Variants in PCDH15 observed in about 807,000 individuals in gnomAD.
PCDH15 encodes protocadherin-15.
PCDH15 carries 129 observed loss-of-function variants against 178.5 expected under a neutral mutation model. That is an observed-to-expected ratio of 0.72 (90% CI 0.63 to 0.84). The LOEUF (loss-of-function observed/expected upper bound fraction) is 0.84, where lower values mean the gene tolerates loss of function less well. Among genes scored for constraint, PCDH15 ranks in the 40% least tolerant of loss-of-function variants. The pLI is 0.00. For synonymous variants in PCDH15, 800 were observed against 732.0 expected, an observed-to-expected ratio of 1.09 and a Z score of -1.50; for missense variants, 2,230 against 2,099.9, an observed-to-expected ratio of 1.06 and a Z score of -1.21.
At chr10:54,482,468 A>T (rs2078788082) in intron 3 of PCDH15, among the ~76,000 whole-genome samples, 1 of 151,818 alleles carries the variant, frequency 6.6e-6, no homozygotes. Context: ...ATACTTTATT[A>T]TGAGTAGGTA....
At chr10:53,939,033 T>A in intron 24 of PCDH15, 78 bp from the exon 25 acceptor site, 1 of 1,439,616 alleles carries the variant, frequency 6.9e-7, no homozygotes, top group African/African-American at 1.4e-5. Flanking sequence ...GGCACTGTGA[T>A]TTCAAAAACA....
intron 2 of PCDH15, among the ~76,000 whole-genome samples, chr10:55,395,196 TGAGA>T (rs55765914): frequency 0.04 from 5,104 of 126,456 alleles, 111 homozygotes; most frequent in African/African-American, 0.073. Context: ...TGTGTGTGTG[TGAGA>T]GAGAGAGAGA....
intron 8 of PCDH15, among the ~76,000 whole-genome samples, chr10:54,299,313 G>T (rs919029789): frequency 6.6e-6 from 1 of 151,938 alleles, no homozygotes; most frequent in Admixed American, 6.6e-5. Flanking sequence ...GACAAAGAGG[G>T]AGTCAGAAAG....
In PCDH15 at chr10:54,440,769, A is replaced by C. The variant is rs147490502; in HGVS notation, c.158-61827T>G. Among the ~76,000 whole-genome samples the C allele has an allele frequency of 7.9e-5, 12 of 152,040 alleles. No individual in the cohort carries two copies. In the East Asian group the frequency reaches 1.7e-3, roughly 22 times the overall value. ...ACAAATATTACACTTTGTAAAATTA[A>C]AGGCCTAGTCTAATATTACTCTATG... On this transcript the variant is annotated intron_variant, in intron 3 of 37. Coordinates refer to ENST00000644397, the MANE Select transcript of PCDH15 (RefSeq NM_001384140.1).
At chr10:54,840,289 T>C (rs1258258030) in intron 3 of PCDH15, among the ~76,000 whole-genome samples, 2 of 151,880 alleles carry the variant, frequency 1.3e-5, no homozygotes, top group Non-Finnish European at 2.9e-5. Context: ...AGAGGTAAAG[T>C]GTAACATTGA....
chr10:54,756,051 C>A (rs1002358442), intron 1 of PCDH15, among the ~76,000 whole-genome samples: 1 of 62,902 alleles, frequency 1.6e-5, no homozygotes, highest in Admixed American at 2.3e-4. Context: ...CCCGTCTCTA[C>A]TAAAAACACA....
In PCDH15 at chr10:55,442,470, T is replaced by TATATTATATATATATAATATATA. The variant is rs5785132; in HGVS notation, c.-156+185154_-156+185155insTATATATTATATATATATAATAT. ...CTTAATTTGATTATATATATATATA[T>TATATTATATATATATAATATATA]TATATATATATTATATATATATATA... On this transcript the variant is annotated intron_variant, in intron 2 of 5. Transcript: ENST00000613346. Among the ~76,000 whole-genome samples, 53 of 124,680 alleles carry TATATTATATATATATAATATATA rather than the reference T, an allele frequency of 4.3e-4. 1 individual carries two copies. In the East Asian group the frequency reaches 5.9e-3, roughly 14 times the overall value. 81.8% of individuals were successfully genotyped at this position (124,680 alleles called of 152,430 possible).
chr10:54,965,608 C>CAT (rs71461263), intron 2 of PCDH15, among the ~76,000 whole-genome samples: 3,947 of 141,232 alleles, frequency 0.028, 55 homozygotes, highest in Non-Finnish European at 0.036. Flanking sequence ...AACTTTGCTT[C>CAT]ATATATATAT....
chr10:55,068,312 T>C (rs975995931), intron 2 of PCDH15, among the ~76,000 whole-genome samples: 2 of 152,118 alleles, frequency 1.3e-5, no homozygotes, highest in South Asian at 4.1e-4. Context: ...TTTATTCTTC[T>C]GCATGTAGTT....
chr10:55,556,946 T>C (rs1469791081), intron 2 of PCDH15, among the ~76,000 whole-genome samples: 1 of 152,216 alleles, frequency 6.6e-6, no homozygotes, highest in African/African-American at 2.4e-5. Flanking sequence ...TTATTGAATG[T>C]GTTTTCACAT....
chr10:54,091,734 T>C (rs1179450971), intron 15 of PCDH15, among the ~76,000 whole-genome samples: 1 of 152,226 alleles, frequency 6.6e-6, no homozygotes, highest in African/African-American at 2.4e-5. Flanking sequence ...TGACATCATA[T>C]TGTCCTGCTT....
At chr10:54,553,939 C>G (rs555993523) in intron 2 of PCDH15, among the ~76,000 whole-genome samples, 4 of 152,124 alleles carry the variant, frequency 2.6e-5, no homozygotes, top group Non-Finnish European at 5.9e-5. Flanking sequence ...GAACCCTTGC[C>G]TCATATATGT....
At chr10:55,466,766 A>G (rs1411746254) in intron 2 of PCDH15, among the ~76,000 whole-genome samples, 1 of 152,114 alleles carries the variant, frequency 6.6e-6, no homozygotes, top group Non-Finnish European at 1.5e-5. Context: ...AAAAAAGAAA[A>G]CAGTTCCCAT....
intron 13 of PCDH15, among the ~76,000 whole-genome samples, chr10:54,181,237 C>T (rs1352964810): frequency 1.3e-5 from 2 of 152,018 alleles, no homozygotes; most frequent in East Asian, 1.9e-4. Flanking sequence ...CTCTCATGGT[C>T]CATCAATTGA....
At chr10:55,536,211 T>C (rs969972574) in intron 2 of PCDH15, among the ~76,000 whole-genome samples, 5 of 152,140 alleles carry the variant, frequency 3.3e-5, no homozygotes, top group Admixed American at 6.6e-5. Flanking sequence ...GAAACTGATA[T>C]GTGCCACTAA....
At chr10:54,578,972 A>G (rs1174187622) in intron 2 of PCDH15, among the ~76,000 whole-genome samples, 1 of 152,168 alleles carries the variant, frequency 6.6e-6, no homozygotes, top group Non-Finnish European at 1.5e-5. Flanking sequence ...TCACTAGACC[A>G]GCTTTACAAG....
intron 3 of PCDH15, among the ~76,000 whole-genome samples, chr10:54,523,288 T>G (rs1589877340): frequency 6.6e-6 from 1 of 152,302 alleles, no homozygotes; most frequent in East Asian, 1.9e-4. Flanking sequence ...TATCTACATT[T>G]TGTTGAATAA....
chr10:55,010,284 A>T (rs1351080277), intron 2 of PCDH15, among the ~76,000 whole-genome samples: 3 of 152,158 alleles, frequency 2.0e-5, no homozygotes, highest in African/African-American at 4.8e-5. Flanking sequence ...ATTATCCATT[A>T]ATTTAACAAA....
intron 1 of PCDH15, among the ~76,000 whole-genome samples, chr10:55,256,597 G>A (rs1245906515): frequency 3.3e-5 from 5 of 152,154 alleles, no homozygotes; most frequent in Non-Finnish European, 7.3e-5. Context: ...TGGCTCGGAG[G>A]GTCCCATGCC....
Sources: gnomAD v4.1 joint callset for allele counts (sites outside exome capture counted in the v4.1 genomes callset) on GRCh38, gnomAD v4.1.1 for gene constraint, MANE v1.5 for transcripts, NCBI Gene and HGNC (gene_info 2026-07-23, HGNC 2026-07-21) for gene names.